Variants in MEI4 observed in about 807,000 individuals in gnomAD.
MEI4 encodes the protein meiosis-specific protein MEI4.
MEI4 carries 27 observed loss-of-function variants against 31.4 expected under a neutral mutation model. That is an observed-to-expected ratio of 0.86 (90% confidence interval 0.63 to 1.19). The LOEUF is 1.19. Among genes scored for constraint, MEI4 ranks in the 50% most tolerant of loss-of-function variants. The pLI is 0.00. For missense variants in MEI4, 329 were observed against 398.9 expected (o/e 0.82, Z 1.49); for synonymous variants, 122 against 145.4 (o/e 0.84, Z 1.16).
intron 3 of MEI4, among the ~76,000 whole-genome samples, chr6:77,791,164 C>G (rs549513918): frequency 6.6e-6 from 1 of 152,080 alleles, no homozygotes; most frequent in Non-Finnish European, 1.5e-5. Context: ...CCATTTGACC[C>G]AGCCATCCCA....
chr6:77,820,094 T>TG lies in MEI4; in HGVS notation c.769-8836dup, dbSNP rs1769781513. 3.9e-5 allele frequency among the ~76,000 whole-genome samples: 6 copies of TG among 152,276 alleles called. No individual in the cohort carries two copies. In the South Asian group the frequency reaches 1.2e-3, roughly 32 times the overall value. On this transcript the variant is annotated intron_variant, in intron 3 of 4. Transcript: ENST00000684080. The surrounding 1 kb of genome is among the most constrained non-coding windows in gnomAD (Gnocchi z 4.5). ...CCTTCTATCACTGTGTACTTGGCAG[T>TG]GTCAGTATCAGGATATGAGTTGTTT... is the stretch of plus-strand genomic sequence containing the variant.
intron 4 of MEI4, among the ~76,000 whole-genome samples, chr6:77,850,609 T>C (rs913827702): frequency 6.6e-6 from 1 of 152,188 alleles, no homozygotes; most frequent in Non-Finnish European, 1.5e-5. Flanking sequence ...CTGGATCTTT[T>C]CCTTACACCT....
At chr6:77,863,580 T>C (rs577048478) in intron 4 of MEI4, among the ~76,000 whole-genome samples, 43 of 152,256 alleles carry the variant, frequency 2.8e-4, no homozygotes, top group Admixed American at 1.6e-3. Flanking sequence ...TATGGGACTA[T>C]GTGAAAAGAC....
intron 4 of MEI4, among the ~76,000 whole-genome samples, chr6:77,900,866 G>C (rs1358127831): frequency 1.3e-5 from 2 of 151,798 alleles, no homozygotes; most frequent in African/African-American, 4.8e-5. Context: ...CATCTCTCCA[G>C]TACCCTTATT....
rs1168596700 is a variant in MEI4 at position 77,925,629 on chromosome 6, T to C, written c.*2283T>C. 1 of 151,350 alleles carries C rather than the reference T, an allele frequency of 6.6e-6. No individual in the cohort carries two copies. Among genetic ancestry groups the C allele is most frequent in the African/African-American group, 2.4e-5 (1 of 41,290 alleles). The allele number at this position is 151,350 out of a possible 1,614,324, so 9.4% of individuals were successfully genotyped here. On this transcript the variant is annotated 3_prime_UTR_variant, in exon 5 of 5. Transcript: ENST00000684080. ...ATAAGAGTAATGGAGTCAGTAGTAATTGGGCAGCATTGAAACTGGATATAA... is the reference window on the plus strand; with the variant it reads ...ATAAGAGTAATGGAGTCAGTAGTAACTGGGCAGCATTGAAACTGGATATAA...
At chr6:77,873,031 C>A (rs1035701158) in intron 4 of MEI4, among the ~76,000 whole-genome samples, 1 of 151,710 alleles carries the variant, frequency 6.6e-6, no homozygotes, top group African/African-American at 2.4e-5. Flanking sequence ...AATAGTGCTG[C>A]AATAAACATA....
chr6:77,821,679 C>T (rs1231011542), intron 3 of MEI4, among the ~76,000 whole-genome samples: 1 of 151,722 alleles, frequency 6.6e-6, no homozygotes, highest in Non-Finnish European at 1.5e-5. Flanking sequence ...CCTGTACTTC[C>T]AGCTACTCAG....
At chr6:77,666,857 C>CTG (rs754710415) in intron 1 of MEI4, among the ~76,000 whole-genome samples, 21,687 of 148,112 alleles carry the variant, frequency 0.15, 1,715 homozygotes, top group African/African-American at 0.21. Context: ...CTACATGCCT[C>CTG]TGTGTGTGTG....
At chr6:77,720,550 A>G (rs1261984857) in intron 2 of MEI4, among the ~76,000 whole-genome samples, 1 of 141,320 alleles carries the variant, frequency 7.1e-6, no homozygotes, top group Admixed American at 7.1e-5. Context: ...AATCTTCCAA[A>G]TGAAGGTACA....
intron 4 of MEI4, among the ~76,000 whole-genome samples, chr6:77,874,738 G>A (rs1771287980): frequency 6.6e-6 from 1 of 152,052 alleles, no homozygotes; most frequent in South Asian, 2.1e-4. Context: ...TATTGGCTGT[G>A]GGTTTGTCAT....
intron 1 of MEI4, among the ~76,000 whole-genome samples, chr6:77,676,946 T>C (rs1768855841): frequency 6.6e-6 from 1 of 152,170 alleles, no homozygotes; most frequent in South Asian, 2.1e-4. Flanking sequence ...ATTTCTGTCA[T>C]TGAGTTGTCA....
Position 77,671,509 on chromosome 6 carries a change from C to A in MEI4, c.-15+18417C>A, listed in dbSNP as rs562001698. Among the ~76,000 whole-genome samples the A allele has an allele frequency of 3.4e-4, 52 of 152,082 alleles. No homozygotes were observed. In the South Asian group the frequency reaches 0.01, roughly 30 times the overall value. On this transcript the variant is annotated intron_variant, in intron 1 of 4. Transcript: ENST00000684080. Reference sequence around the variant, plus strand: ...TCTAAAATGTTAAAATGAAAAAAAACCGAAGTTTATTACTGGTTTCATTTT... The same window carrying A: ...TCTAAAATGTTAAAATGAAAAAAAAACGAAGTTTATTACTGGTTTCATTTT...
chr6:77,743,559 A>G (rs1010572952), intron 2 of MEI4, among the ~76,000 whole-genome samples: 2 of 152,180 alleles, frequency 1.3e-5, no homozygotes, highest in South Asian at 2.1e-4. Context: ...CAGTCATGTC[A>G]TCTGCAAACA....
chr6:77,671,746 G>A (rs1315110669), intron 1 of MEI4, among the ~76,000 whole-genome samples: 1 of 152,074 alleles, frequency 6.6e-6, no homozygotes, highest in Admixed American at 6.5e-5. Flanking sequence ...TTATGGTTTT[G>A]GGAGCTGGTA....
At chr6:77,817,175 T>G (rs1769708974) in intron 3 of MEI4, among the ~76,000 whole-genome samples, 1 of 152,180 alleles carries the variant, frequency 6.6e-6, no homozygotes, top group African/African-American at 2.4e-5. Context: ...TAATAGGTAT[T>G]AAGGGCAGAA....
At chr6:77,911,835 A>AC (rs1766442156) in intron 4 of MEI4, among the ~76,000 whole-genome samples, 1 of 151,374 alleles carries the variant, frequency 6.6e-6, no homozygotes, top group Non-Finnish European at 1.5e-5. Flanking sequence ...TTTGATGAAC[A>AC]CGTGAGTGCA....
intron 4 of MEI4, among the ~76,000 whole-genome samples, chr6:77,871,123 AG>A (rs1771179848): frequency 6.6e-6 from 1 of 152,150 alleles, no homozygotes; most frequent in Non-Finnish European, 1.5e-5. Flanking sequence ...CTACAGTTGG[AG>A]GTGACTTAGA....
chr6:77,829,173 C>T (rs1353324276), intron 4 of MEI4, 111 bp downstream of exon 4: 3 of 768,400 alleles, frequency 3.9e-6, no homozygotes, highest in East Asian at 3.4e-5. Context: ...TTAGTTATTA[C>T]CTTATGTCTA....
intron 3 of MEI4, among the ~76,000 whole-genome samples, chr6:77,770,690 A>C (rs1768289384): frequency 6.6e-6 from 1 of 152,194 alleles, no homozygotes; most frequent in Non-Finnish European, 1.5e-5. Flanking sequence ...CTTAGAAATA[A>C]TGCTCCACAC....
Sources: allele counts gnomAD v4.1 joint callset (sites outside exome capture counted in the v4.1 genomes callset), GRCh38; gene constraint gnomAD v4.1.1; non-coding constraint Gnocchi (gnomAD v3.1); transcripts MANE v1.5; gene names NCBI Gene and HGNC (gene_info 2026-07-23, HGNC 2026-07-21).